EFCAB13: variants seen among roughly 807,000 people sequenced by gnomAD.
EFCAB13 encodes EF-hand calcium binding domain 13.
A neutral mutation model predicts 110.2 loss-of-function variants in EFCAB13; 91 were observed. The ratio of observed to expected loss-of-function variants is 0.83; its 90% CI spans 0.70 to 0.98. EFCAB13 has a LOEUF of 0.98. Ranked by LOEUF, EFCAB13 falls within the 50% of genes least tolerant of loss-of-function variation. EFCAB13 has a pLI of 0.00. For synonymous variants in EFCAB13, 323 were observed against 369.9 expected (o/e 0.87, Z 1.45); for missense variants, 968 against 1,119.4 (o/e 0.86, Z 1.93).
intron 17 of EFCAB13, 164 bp downstream of exon 17, chr17:47,396,141 G>T: frequency 2.1e-6 from 1 of 480,034 alleles, no homozygotes; most frequent in Non-Finnish European, 3.5e-6. Flanking sequence ...AGTTCAGATT[G>T]TTTGGCTATT....
At chr17:47,347,241 C>T (rs959496267) in intron 8 of EFCAB13, among the ~76,000 whole-genome samples, 1 of 152,200 alleles carries the variant, frequency 6.6e-6, no homozygotes, top group Admixed American at 6.5e-5. Flanking sequence ...GATTGCACTA[C>T]TGCATTCCAG....
chr17:47,340,564 A>G (rs113949745), intron 5 of EFCAB13, among the ~76,000 whole-genome samples: 1,937 of 152,096 alleles, frequency 0.013, 35 homozygotes, highest in East Asian at 0.065. Flanking sequence ...GATTTATAAT[A>G]TAACCACTTT....
rs373137779 is a variant in EFCAB13, at chr17:47,440,639, C to T, written c.2847C>T (p.His949=). The T allele has an allele frequency of 4.3e-6, 7 of 1,609,454 alleles. No homozygotes were observed. Among genetic ancestry groups the T allele is most frequent in the South Asian group, 1.1e-5 (1 of 89,776 alleles). The change falls in exon 25 of 25, where the codon CAC becomes CAT. Residue 949 remains histidine, a synonymous_variant. Coordinates refer to ENST00000331493, the MANE Select transcript of EFCAB13 (RefSeq NM_152347.5). ...AATACAATATGAATATAAAACAACACAAGATTAGTTTACATAACTTCTGTT... is the reference window on the plus strand; with the variant it reads ...AATACAATATGAATATAAAACAACATAAGATTAGTTTACATAACTTCTGTT... ...KKQYNMNIKQ[H]KISLHNFCLN...
At chr17:47,329,634 T>G (rs1412283211) in intron 4 of EFCAB13, among the ~76,000 whole-genome samples, 1 of 152,206 alleles carries the variant, frequency 6.6e-6, no homozygotes, top group African/African-American at 2.4e-5. Flanking sequence ...TTCCTTAGAC[T>G]GTATAATTTA....
intron 5 of EFCAB13, among the ~76,000 whole-genome samples, chr17:47,340,766 ATTT>A (rs58304526): frequency 0.06 from 3,221 of 53,954 alleles, 91 homozygotes; most frequent in East Asian, 0.14. Context: ...CACCTGGCTA[ATTT>A]TTTTTTTTTT....
chr17:47,402,551 C>A (rs2175290), intron 18 of EFCAB13, among the ~76,000 whole-genome samples: 78,735 of 151,950 alleles, frequency 0.52, 20,876 homozygotes, highest in Middle Eastern at 0.56. Context: ...TCTGACCTTG[C>A]AATTTAAGAT....
intron 9 of EFCAB13, among the ~76,000 whole-genome samples, chr17:47,360,381 T>G (rs113613184): frequency 0.088 from 13,394 of 151,446 alleles, 923 homozygotes; most frequent in East Asian, 0.43. Flanking sequence ...GGCCAGTGAT[T>G]ATGAGCATTT....
intron 14 of EFCAB13, among the ~76,000 whole-genome samples, chr17:47,382,860 A>G (rs1205215251): frequency 6.6e-6 from 1 of 152,182 alleles, no homozygotes; most frequent in Non-Finnish European, 1.5e-5. Flanking sequence ...AAGGAATGCT[A>G]CCAGCCCCTC....
Position 47,332,463 on chromosome 17 carries a change from A to G in EFCAB13, c.31-2733A>G, listed in dbSNP as rs1032473330. Among the ~76,000 whole-genome samples the G allele has an allele frequency of 5.9e-5, 9 of 152,226 alleles. No homozygotes were observed. The South Asian group carries it at 1.0e-3, about 18-fold the overall frequency. ...TTGAAGTATATATTATTTACTAACC[A>G]TGTTCACCAATGCATTAGATCACTA... is the stretch of plus-strand genomic sequence containing the variant. On this transcript the variant is annotated intron_variant, in intron 4 of 24. Coordinates refer to ENST00000331493, the MANE Select transcript of EFCAB13 (RefSeq NM_152347.5).
At chr17:47,333,890 C>G (rs1692469379) in intron 4 of EFCAB13, among the ~76,000 whole-genome samples, 2 of 152,084 alleles carry the variant, frequency 1.3e-5, no homozygotes. Context: ...CAACTTTGTT[C>G]TTTTTGCTTA....
Position 47,429,962 on chromosome 17 carries a change from G to A in EFCAB13, c.2638+1G>A. ...ATGTTAAGACATGTACCTGAACATGGTTAGTAGTTTCAATGCGTCTATCTT... is the reference window on the plus strand; with the variant it reads ...ATGTTAAGACATGTACCTGAACATGATTAGTAGTTTCAATGCGTCTATCTT... On this transcript the variant is annotated splice_donor_variant, in intron 24 of 24. Coordinates refer to ENST00000331493, the MANE Select transcript of EFCAB13 (RefSeq NM_152347.5). LOFTEE classifies it high-confidence loss of function. 2.5e-6 allele frequency: 4 copies of A among 1,597,028 alleles called. No homozygotes were observed. In the African/African-American group the frequency reaches 4.0e-5, roughly 16 times the overall value.
At chr17:47,331,082 T>G (rs903915227) in intron 4 of EFCAB13, among the ~76,000 whole-genome samples, 3 of 152,146 alleles carry the variant, frequency 2.0e-5, no homozygotes, top group Non-Finnish European at 4.4e-5. Context: ...TTGAGAAATA[T>G]CTGTTCATGT....
intron 1 of EFCAB13, 63 bp from the exon 2 acceptor site, chr17:47,324,391 A>G (rs35161461): frequency 0.72 from 109,453 of 152,018 alleles, 39,735 homozygotes; most frequent in East Asian, 0.81. Context: ...CTCTATTAGC[A>G]CACTCATTTC....
intron 5 of EFCAB13, chr17:47,341,365 GTTTTT>G (rs1281705396): frequency 6.5e-6 from 1 of 152,748 alleles, no homozygotes; most frequent in Non-Finnish European, 1.5e-5. Flanking sequence ...GTCATATGGT[GTTTTT>G]TGTTTTGTTT....
chr17:47,382,185 G>A (rs931087238), intron 14 of EFCAB13, among the ~76,000 whole-genome samples: 4 of 152,128 alleles, frequency 2.6e-5, no homozygotes, highest in African/African-American at 9.7e-5. Flanking sequence ...AGGAATGCTT[G>A]TGATTTTTGC....
In EFCAB13 at chr17:47,342,815, TTCTG is replaced by T. The variant is rs144263503; in HGVS notation, c.303+787_303+790del. 1.6e-3 allele frequency among the ~76,000 whole-genome samples: 241 copies of T among 152,280 alleles called. 1 individual carries two copies. The highest frequency in any genetic ancestry group is 5.5e-3 in the African/African-American group (230 of 41,572). ...AATATTGCTTCATATTTTTTGTCTATTCTGTCTCTCTATTTTGTTCTTTGTAATT... is the reference window on the plus strand; with the variant it reads ...AATATTGCTTCATATTTTTTGTCTATTCTCTCTATTTTGTTCTTTGTAATT... On this transcript the variant is annotated intron_variant, in intron 6 of 24. Transcript: ENST00000331493.
intron 20 of EFCAB13, among the ~76,000 whole-genome samples, chr17:47,408,273 A>G (rs1237332792): frequency 6.6e-6 from 1 of 152,218 alleles, no homozygotes. Flanking sequence ...ATCCATCTAT[A>G]TAGCCTCAGC....
chr17:47,370,635 A>T, intron 11 of EFCAB13, 127 bp downstream of exon 11: 1 of 582,146 alleles, frequency 1.7e-6, no homozygotes, highest in Non-Finnish European at 2.9e-6. Context: ...ACCCTCTTAA[A>T]TCAAGGAGAT....
intron 23 of EFCAB13, among the ~76,000 whole-genome samples, chr17:47,420,420 G>A (rs1180341733): frequency 2.4e-4 from 36 of 152,084 alleles, no homozygotes; most frequent in African/African-American, 8.0e-4. Context: ...CATCTGGGAC[G>A]TGAGGAGCCC....
Sources: gnomAD v4.1 joint callset for allele counts (sites outside exome capture counted in the v4.1 genomes callset) on GRCh38, gnomAD v4.1.1 for gene constraint, MANE v1.5 for transcripts, NCBI Gene and HGNC (gene_info 2026-07-23, HGNC 2026-07-21) for gene names.